The following CDH4 variants were observed in gnomAD, a reference collection of about 807,000 sequenced individuals.
The protein encoded by CDH4 is cadherin 4, also known as cadherin-4.
In CDH4, 33 loss-of-function variants were observed where a neutral mutation model predicts 86.0. That is an observed-to-expected ratio of 0.38 (90% CI 0.29 to 0.51). The LOEUF (loss-of-function observed/expected upper bound fraction) is 0.51, where lower values mean the gene tolerates loss of function less well. Among genes scored for constraint, CDH4 ranks in the 20% least tolerant of loss-of-function variants. CDH4 has a pLI of 0.86. For missense variants in CDH4, 1,114 were observed against 1,307.4 expected, an observed-to-expected ratio of 0.85 and a Z score of 2.28; for synonymous variants, 555 against 549.4, an observed-to-expected ratio of 1.01 and a Z score of -0.14.
intron 2 of CDH4, among the ~76,000 whole-genome samples, chr20:61,402,287 C>G (rs971580748): frequency 6.6e-6 from 1 of 152,148 alleles, no homozygotes; most frequent in African/African-American, 2.4e-5. Flanking sequence ...CTCTAGGTTA[C>G]TTATAATACC....
chr20:61,761,898 ACAGCTCCGCACAGCAGG>A (rs1195129657), intron 3 of CDH4, among the ~76,000 whole-genome samples: 56 of 152,266 alleles, frequency 3.7e-4, no homozygotes, highest in Middle Eastern at 3.4e-3. Context: ...AGCCATGCCG[ACAGCTCCGCACAGCAGG>A]CAGCTCCGCA....
intron 2 of CDH4, among the ~76,000 whole-genome samples, chr20:61,316,240 G>T (rs1204054602): frequency 6.6e-6 from 1 of 152,230 alleles, no homozygotes; most frequent in Non-Finnish European, 1.5e-5. Flanking sequence ...CTTCTTGACA[G>T]ATCTGCATTT....
chr20:61,427,247 C>T (rs1224283371), intron 2 of CDH4, among the ~76,000 whole-genome samples: 1 of 152,198 alleles, frequency 6.6e-6, no homozygotes, highest in African/African-American at 2.4e-5. Flanking sequence ...GGGAGCTGAC[C>T]CTGCTCTGAC....
At chr20:61,672,775 G>A (rs1046929110) in intron 2 of CDH4, among the ~76,000 whole-genome samples, 1 of 152,106 alleles carries the variant, frequency 6.6e-6, no homozygotes, top group Non-Finnish European at 1.5e-5. Flanking sequence ...AGCATCCCTG[G>A]GAACCCGACG....
intron 4 of CDH4, among the ~76,000 whole-genome samples, chr20:61,817,370 GC>G (rs1980772420): frequency 6.6e-6 from 1 of 152,160 alleles, no homozygotes; most frequent in East Asian, 1.9e-4. Flanking sequence ...TCTGGGCTTA[GC>G]CTACCCAGAT....
intron 4 of CDH4, among the ~76,000 whole-genome samples, chr20:61,820,380 G>T (rs1415599929): frequency 6.6e-6 from 1 of 152,250 alleles, no homozygotes; most frequent in East Asian, 1.9e-4. Context: ...TGATCTGAGG[G>T]ACAGCCACGC....
chr20:61,612,156 A>T (rs987368496), intron 2 of CDH4, among the ~76,000 whole-genome samples: 1 of 152,120 alleles, frequency 6.6e-6, no homozygotes, highest in Non-Finnish European at 1.5e-5. Context: ...ATACTCGTAT[A>T]ATTTGTAAAG....
intron 4 of CDH4, among the ~76,000 whole-genome samples, chr20:61,831,249 A>C (rs1479241614): frequency 6.6e-6 from 1 of 152,236 alleles, no homozygotes; most frequent in Non-Finnish European, 1.5e-5. Context: ...AATAAAAGTG[A>C]AATTTCAATT....
At chr20:61,722,735 C>G (rs1322146851) in intron 2 of CDH4, among the ~76,000 whole-genome samples, 1 of 151,880 alleles carries the variant, frequency 6.6e-6, no homozygotes, top group East Asian at 1.9e-4. Flanking sequence ...TACTCCTAAC[C>G]CAGCCTGCAC....
At chr20:61,462,470 G>T (rs539903552) in intron 2 of CDH4, among the ~76,000 whole-genome samples, 9 of 152,312 alleles carry the variant, frequency 5.9e-5, no homozygotes, top group Non-Finnish European at 1.0e-4. Flanking sequence ...TCAAGGGGGT[G>T]TAGTAATCCT....
intron 2 of CDH4, among the ~76,000 whole-genome samples, chr20:61,707,688 G>A (rs953314897): frequency 2.5e-4 from 38 of 152,228 alleles, no homozygotes; most frequent in African/African-American, 8.7e-4. Context: ...TTTTTCCATG[G>A]ACCATGAGTA....
At chr20:61,475,717 G>A (rs1205419727) in intron 2 of CDH4, among the ~76,000 whole-genome samples, 1 of 138,566 alleles carries the variant, frequency 7.2e-6, no homozygotes, top group Admixed American at 7.5e-5. Context: ...TGTGGACTCT[G>A]AGACATAGGA....
At position 61,929,802 on chromosome 20, in the gene CDH4, TGCCATCGTG is replaced by T; in HGVS notation, c.2206_2214del (p.Val736_Ile738del). The stretch of plus-strand genomic sequence containing the variant: ...TGGCAGCGGCTGGTCTGGGCACCGG[TGCCATCGTG>T]GCCATCCTCATCTGCATCCTCATCC... On this transcript the variant is annotated inframe_deletion, in exon 13 of 16. Transcript: ENST00000614565. 1 of 1,614,014 alleles carries T rather than the reference TGCCATCGTG, an allele frequency of 6.2e-7. No individual in the cohort carries two copies. Among genetic ancestry groups the T allele is most frequent in the Non-Finnish European group, 8.5e-7 (1 of 1,180,034 alleles).
intron 2 of CDH4, among the ~76,000 whole-genome samples, chr20:61,465,919 T>C (rs1485412646): frequency 6.6e-6 from 1 of 151,980 alleles, no homozygotes; most frequent in African/African-American, 2.4e-5. Flanking sequence ...TCTAATGTTC[T>C]CTATAGGCCA....
chr20:61,620,932 G>A (rs1200531982), intron 2 of CDH4, among the ~76,000 whole-genome samples: 1 of 152,224 alleles, frequency 6.6e-6, no homozygotes, highest in Non-Finnish European at 1.5e-5. Flanking sequence ...CTTCTTCCAC[G>A]CGGGAAGGTT....
chr20:61,928,325 C>T lies in CDH4; in HGVS notation c.1907C>T (p.Ala636Val). ...PNLNAINITA[A>V]DADVDPNIGP... Reference sequence around the variant, plus strand: ...CTGAACGCCATCAACATCACGGCGGCCGACGCTGACGTCGACCCCAACATC... The same window carrying T: ...CTGAACGCCATCAACATCACGGCGGTCGACGCTGACGTCGACCCCAACATC... Residue 636 changes from alanine (A) to valine (V), a missense_variant, in exon 12 of 16, where the codon GCC becomes GTC. This residue lies in a region of CDH4 where 705 missense variants were observed against 914.1 expected (regional missense o/e 0.77). Transcript: ENST00000614565. 1 of 1,609,952 alleles carries T rather than the reference C, an allele frequency of 6.2e-7. No individual in the cohort carries two copies. The highest frequency in any genetic ancestry group is 8.5e-7 in the Non-Finnish European group (1 of 1,179,410).
chr20:61,352,007 G>C lies in CDH4; in HGVS notation c.169+97070G>C, dbSNP rs564890427. Among the ~76,000 whole-genome samples, 750 of 152,172 alleles carry C rather than the reference G, an allele frequency of 4.9e-3. 4 individuals are homozygous for C. The highest frequency in any genetic ancestry group is 0.014 in the Middle Eastern group (4 of 294). On this transcript the variant is annotated intron_variant, in intron 2 of 15. Coordinates refer to ENST00000614565, the MANE Select transcript of CDH4 (RefSeq NM_001794.5). Reference sequence around the variant, plus strand: ...GCTGGGATTACGGGTGTGAGCCACCGCACCCGGCCTCCTTTAGTTATTTTT... The same window carrying C: ...GCTGGGATTACGGGTGTGAGCCACCCCACCCGGCCTCCTTTAGTTATTTTT...
At chr20:61,729,498 A>G (rs556491323) in intron 2 of CDH4, among the ~76,000 whole-genome samples, 68 of 152,296 alleles carry the variant, frequency 4.5e-4, no homozygotes, top group East Asian at 1.5e-3. Context: ...CTCTCTTTAT[A>G]TAGGCTCAGA....
At chr20:61,399,007 A>G (rs1175877256) in intron 2 of CDH4, among the ~76,000 whole-genome samples, 1 of 151,928 alleles carries the variant, frequency 6.6e-6, no homozygotes, top group African/African-American at 2.4e-5. Flanking sequence ...TTAAATGTGG[A>G]TGTGGGTTAA....
Sources: allele counts gnomAD v4.1 joint callset (sites outside exome capture counted in the v4.1 genomes callset), GRCh38; gene constraint gnomAD v4.1.1; regional missense constraint gnomAD v4.1.1; transcripts MANE v1.5; gene names NCBI Gene and HGNC (gene_info 2026-07-23, HGNC 2026-07-21).